Variants in GRIA2 observed in about 807,000 individuals in gnomAD.
GRIA2 encodes the protein glutamate ionotropic receptor AMPA type subunit 2, also known as glutamate receptor 2.
In GRIA2, 14 loss-of-function variants were observed where a neutral mutation model predicts 97.3. The ratio of observed to expected loss-of-function variants is 0.14; its 90% CI spans 0.10 to 0.23. GRIA2 has a LOEUF of 0.23. GRIA2 is among the 10% of genes least tolerant of loss of function. The probability of loss-of-function intolerance (pLI) is 1.00; values close to 1 mark genes in which losing one functional copy is unlikely to be tolerated. For missense variants in GRIA2, 558 were observed against 1,069.8 expected (o/e 0.52, Z 6.67); for synonymous variants, 412 against 387.8 (o/e 1.06, Z -0.73).
chr4:157,359,660 T>C (rs1736548352), intron 12 of GRIA2, among the ~76,000 whole-genome samples: 1 of 152,212 alleles, frequency 6.6e-6, no homozygotes, highest in Admixed American at 6.6e-5. Context: ...AGATATACAG[T>C]ATTTTGTTTA....
In GRIA2 at chr4:157,362,673, G is replaced by T. The variant is rs993155683; in HGVS notation, c.2407-126G>T. 12 of 801,544 alleles carry T rather than the reference G, an allele frequency of 1.5e-5. No homozygotes were observed. The South Asian group carries it at 1.7e-4, about 11-fold the overall frequency. The allele number at this position is 801,544 out of a possible 1,614,324, so 49.7% of individuals were successfully genotyped here. ...TGGACCATCTAAGAGAAAATCCATT[G>T]TTTCTCAAATTCAAATGCATTCTGT... On this transcript the variant is annotated intron_variant, in intron 14 of 15. Coordinates refer to ENST00000264426, the MANE Select transcript of GRIA2 (RefSeq NM_001083619.3).
At chr4:157,355,904 T>TATATATAGTAATATATTTATATATAA (rs1736282292) in intron 12 of GRIA2, among the ~76,000 whole-genome samples, 1 of 13,652 alleles carries the variant, frequency 7.3e-5, no homozygotes, top group Admixed American at 1.7e-3. Flanking sequence ...TATATATAAA[T>TATATATAGTAATATATTTATATATAA]ATATATATAT....
chr4:157,229,435 A>G (rs868534142), intron 2 of GRIA2, among the ~76,000 whole-genome samples: 77 of 152,200 alleles, frequency 5.1e-4, no homozygotes, highest in African/African-American at 1.5e-3. Context: ...AAAGCACAAC[A>G]GAGTCTTGAA....
chr4:157,251,450 C>G (rs1411399136), intron 2 of GRIA2, among the ~76,000 whole-genome samples: 2 of 152,058 alleles, frequency 1.3e-5, no homozygotes, highest in Admixed American at 6.6e-5. Flanking sequence ...CATTCATTAA[C>G]TCATCTGTTC....
intron 2 of GRIA2, among the ~76,000 whole-genome samples, chr4:157,299,347 A>T (rs976847429): frequency 2.6e-5 from 4 of 152,078 alleles, no homozygotes; most frequent in African/African-American, 9.7e-5. Flanking sequence ...CCATATTTTG[A>T]TGTCAGAATT....
intron 2 of GRIA2, among the ~76,000 whole-genome samples, chr4:157,279,365 T>G (rs915114542): frequency 2.0e-5 from 3 of 152,180 alleles, no homozygotes; most frequent in African/African-American, 7.2e-5. Flanking sequence ...TCTGTGTGAT[T>G]CCAATTATGT....
At chr4:157,341,558 T>C in intron 12 of GRIA2, 96 bp downstream of exon 12, 1 of 789,488 alleles carries the variant, frequency 1.3e-6, no homozygotes. Context: ...AGGTACTATG[T>C]GAAAGCACCC....
chr4:157,329,771 A>T (rs1467781938), intron 6 of GRIA2, among the ~76,000 whole-genome samples: 2 of 151,942 alleles, frequency 1.3e-5, no homozygotes, highest in Non-Finnish European at 2.9e-5. Context: ...CATTTATTTG[A>T]TACAGTATTT....
chr4:157,291,205 C>T (rs762263169), intron 2 of GRIA2, among the ~76,000 whole-genome samples: 1 of 151,944 alleles, frequency 6.6e-6, no homozygotes, highest in Non-Finnish European at 1.5e-5. Context: ...GGGAGCTTCA[C>T]GCTCTTTCCC....
chr4:157,259,949 A>G (rs973585203), intron 2 of GRIA2, among the ~76,000 whole-genome samples: 2 of 152,042 alleles, frequency 1.3e-5, no homozygotes, highest in East Asian at 1.9e-4. Context: ...TACTTGCACA[A>G]TTCTGTCAGT....
chr4:157,292,983 C>T (rs939590115), intron 2 of GRIA2, among the ~76,000 whole-genome samples: 4 of 151,924 alleles, frequency 2.6e-5, no homozygotes, highest in East Asian at 3.9e-4. Flanking sequence ...AGTACAAAAA[C>T]GTAAGTTGCC....
chr4:157,362,828 C>T lies in GRIA2; in HGVS notation c.2436C>T (p.Asn812=), dbSNP rs570651579. ...AGACCAGTGCCCTCAGTCTGAGCAA[C>T]GTTGCTGGAGTATTCTACATCCTTG... ...KEKTSALSLS[N]VAGVFYILVG... Residue 812 remains asparagine, a synonymous_variant, in exon 15 of 16, where the codon AAC becomes AAT. Transcript: ENST00000264426. 18 of 1,613,144 alleles carry T rather than the reference C, an allele frequency of 1.1e-5. No homozygotes were observed. Among genetic ancestry groups the T allele is most frequent in the East Asian group, 6.7e-5 (3 of 44,850 alleles).
intron 9 of GRIA2, chr4:157,335,438 A>G (rs927229198): frequency 1.2e-5 from 6 of 520,558 alleles, no homozygotes; most frequent in African/African-American, 1.9e-5. Flanking sequence ...TATCTTGTTA[A>G]CTCAGTATGC....
chr4:157,283,228 A>G (rs1188332807), intron 2 of GRIA2, among the ~76,000 whole-genome samples: 2 of 151,982 alleles, frequency 1.3e-5, no homozygotes, highest in Admixed American at 6.6e-5. Context: ...TGGCTTCTGT[A>G]TTATTAATAT....
chr4:157,277,895 T>C (rs886952136), intron 2 of GRIA2, among the ~76,000 whole-genome samples: 1 of 144,786 alleles, frequency 6.9e-6, no homozygotes, highest in African/African-American at 2.5e-5. Context: ...TATATGTATA[T>C]ATATATGTAT....
chr4:157,232,323 G>A (rs985000944), intron 2 of GRIA2, among the ~76,000 whole-genome samples: 18 of 152,166 alleles, frequency 1.2e-4, no homozygotes, highest in African/African-American at 4.3e-4. Context: ...TGGAAGTGGA[G>A]CTCTCTATAA....
At chr4:157,239,004 C>A (rs574890496) in intron 2 of GRIA2, among the ~76,000 whole-genome samples, 1 of 151,926 alleles carries the variant, frequency 6.6e-6, no homozygotes, top group Non-Finnish European at 1.5e-5. Context: ...ATTGTCATTG[C>A]GGTACTTTTT....
chr4:157,274,154 T>C (rs1732167959), intron 2 of GRIA2, among the ~76,000 whole-genome samples: 1 of 151,920 alleles, frequency 6.6e-6, no homozygotes, highest in Admixed American at 6.6e-5. Flanking sequence ...AGGAAATACA[T>C]ATTTTCCCAG....
intron 2 of GRIA2, among the ~76,000 whole-genome samples, chr4:157,253,305 C>T (rs933487440): frequency 6.6e-6 from 1 of 151,872 alleles, no homozygotes; most frequent in Non-Finnish European, 1.5e-5. Context: ...TTGGTAGAGA[C>T]AGGGTTTTGC....
Sources: allele counts gnomAD v4.1 joint callset (sites outside exome capture counted in the v4.1 genomes callset), GRCh38; gene constraint gnomAD v4.1.1; transcripts MANE v1.5; gene names NCBI Gene and HGNC (gene_info 2026-07-23, HGNC 2026-07-21).